Variants in CWH43 observed in about 807,000 individuals in gnomAD.
CWH43 encodes PGAP2-interacting protein.
A neutral mutation model predicts 85.7 loss-of-function variants in CWH43; 91 were observed. The ratio of observed to expected loss-of-function variants is 1.06; its 90% CI spans 0.90 to 1.26. The LOEUF is 1.26. Among genes scored for constraint, CWH43 ranks in the 50% most tolerant of loss-of-function variants. The pLI, the probability that CWH43 is intolerant of heterozygous loss-of-function variation, is 0.00. For missense variants in CWH43, 869 were observed against 839.2 expected (o/e 1.04, Z -0.44); for synonymous variants, 323 against 293.6 (o/e 1.10, Z -1.02).
At chr4:49,009,695 A>C (rs1330915236) in intron 8 of CWH43, among the ~76,000 whole-genome samples, 1 of 152,140 alleles carries the variant, frequency 6.6e-6, no homozygotes, top group Non-Finnish European at 1.5e-5. Context: ...AGCACTGTTG[A>C]ATTTTGTCGA....
chr4:49,038,682 C>A (rs1031927170), intron 13 of CWH43, among the ~76,000 whole-genome samples: 4 of 152,108 alleles, frequency 2.6e-5, no homozygotes, highest in African/African-American at 9.7e-5. Flanking sequence ...GGAGGAATAT[C>A]AAAAACACAA....
chr4:49,061,130 T>C (rs1183729699), intron 15 of CWH43, among the ~76,000 whole-genome samples: 10 of 152,180 alleles, frequency 6.6e-5, no homozygotes, highest in Admixed American at 2.6e-4. Context: ...TTCTTATCTG[T>C]TTGAGCATAA....
At chr4:49,002,893 G>C (rs149047504) in intron 6 of CWH43, among the ~76,000 whole-genome samples, 1 of 152,134 alleles carries the variant, frequency 6.6e-6, no homozygotes, top group Non-Finnish European at 1.5e-5. Context: ...GTTCTTGGCC[G>C]AAGTAGTGAA....
chr4:49,028,545 G>C, intron 9 of CWH43, 84 bp from the exon 10 acceptor site: 1 of 772,936 alleles, frequency 1.3e-6, no homozygotes, highest in Non-Finnish European at 2.1e-6. Flanking sequence ...TAAGAAATTT[G>C]GTAGAGAGGA....
intron 15 of CWH43, among the ~76,000 whole-genome samples, chr4:49,055,905 CTTTTTTTCT>C (rs1477174435): frequency 2.0e-4 from 19 of 95,552 alleles, no homozygotes; most frequent in African/African-American, 4.2e-4. Context: ...TCTAATTTTT[CTTTTTTTCT>C]TTTTTTTTTT....
chr4:49,012,349 G>A (rs535027171), intron 8 of CWH43, among the ~76,000 whole-genome samples: 2 of 152,246 alleles, frequency 1.3e-5, no homozygotes, highest in Admixed American at 1.3e-4. Flanking sequence ...TTCTCTACAC[G>A]TTTATTCTAG....
rs368908073 is a variant in CWH43, at chr4:49,048,143, AG to A, written c.1866-2549del. On this transcript the variant is annotated intron_variant, in intron 14 of 15. Coordinates refer to ENST00000226432, the MANE Select transcript of CWH43 (RefSeq NM_025087.3). ...AACGACTTTTCATATAGGCTGAAAT[AG>A]GTTTAATTTCAAGTTTTAAAAAATG... 8.6e-3 allele frequency among the ~76,000 whole-genome samples: 1,306 copies of A among 152,274 alleles called. 3 individuals carry two copies. The highest frequency in any genetic ancestry group is 0.016 in the African/African-American group (651 of 41,560).
chr4:49,060,548 G>A (rs1245799816), intron 15 of CWH43, among the ~76,000 whole-genome samples: 1 of 152,080 alleles, frequency 6.6e-6, no homozygotes, highest in Non-Finnish European at 1.5e-5. Context: ...AAAGTTGGGT[G>A]CTTACTTCAC....
At chr4:49,036,172 T>C (rs1784256372) in intron 12 of CWH43, among the ~76,000 whole-genome samples, 1 of 152,168 alleles carries the variant, frequency 6.6e-6, no homozygotes, top group Non-Finnish European at 1.5e-5. Flanking sequence ...AATCCCTGAA[T>C]GTTGCTCTTC....
At chr4:49,002,394 C>T in intron 6 of CWH43, among the ~76,000 whole-genome samples, 1 of 152,202 alleles carries the variant, frequency 6.6e-6, no homozygotes, top group East Asian at 1.9e-4. Context: ...AAATTATTTA[C>T]ACTAGTAAAT....
rs1461319664 is a variant in CWH43, at chr4:48,988,478, ATG to A, written c.49_50del (p.Val17PhefsTer7). 6.5e-7 allele frequency: 1 copy of A among 1,544,070 alleles called. No homozygotes were observed. The highest frequency in any genetic ancestry group is 2.3e-5 in the East Asian group (1 of 42,922). On this transcript the variant is annotated frameshift_variant and splice_region_variant, in exon 2 of 16. Coordinates refer to ENST00000226432, the MANE Select transcript of CWH43 (RefSeq NM_025087.3). LOFTEE classifies it high-confidence loss of function. ...REILLESLLG[C>X]VSWSLYHDLG... ...CTTTAACTTTTTTTTTTTTTGTAGG[ATG>A]TGTTTCTTGGTCTCTCTACCATGAC...
chr4:49,004,028 G>A, intron 7 of CWH43, 36 bp downstream of exon 7: 1 of 1,565,690 alleles, frequency 6.4e-7, no homozygotes, highest in South Asian at 1.2e-5. Flanking sequence ...TAAAATAATT[G>A]CTCAAAAATA....
intron 1 of CWH43, among the ~76,000 whole-genome samples, chr4:48,987,620 G>A (rs559962144): frequency 6.6e-6 from 1 of 152,206 alleles, no homozygotes; most frequent in East Asian, 1.9e-4. Context: ...ATAGCTTATG[G>A]GGCTGTATAA....
intron 8 of CWH43, among the ~76,000 whole-genome samples, chr4:49,016,285 C>G (rs2109782208): frequency 6.6e-6 from 1 of 152,160 alleles, no homozygotes; most frequent in South Asian, 2.1e-4. Flanking sequence ...TCCCTAGTGC[C>G]ATGTGTTTAT....
chr4:48,991,219 G>A (rs1030738788), intron 2 of CWH43, among the ~76,000 whole-genome samples: 1 of 152,124 alleles, frequency 6.6e-6, no homozygotes, highest in African/African-American at 2.4e-5. Flanking sequence ...AATGGTGATT[G>A]TTGCACGACT....
At chr4:49,056,751 T>C (rs1482316903) in intron 15 of CWH43, among the ~76,000 whole-genome samples, 2 of 152,128 alleles carry the variant, frequency 1.3e-5, no homozygotes, top group African/African-American at 4.8e-5. Flanking sequence ...TTAGGTTGTT[T>C]GATGTCTTTA....
intron 12 of CWH43, among the ~76,000 whole-genome samples, chr4:49,034,548 C>T (rs1784205368): frequency 6.6e-6 from 1 of 152,182 alleles, no homozygotes; most frequent in Non-Finnish European, 1.5e-5. Context: ...AACACCATAT[C>T]CTTTACTTGC....
intron 13 of CWH43, among the ~76,000 whole-genome samples, chr4:49,041,030 G>A (rs1784442630): frequency 6.6e-6 from 1 of 152,118 alleles, no homozygotes; most frequent in African/African-American, 2.4e-5. Flanking sequence ...TTTTTGTCAG[G>A]TTTGTCAAAG....
intron 7 of CWH43, 70 bp downstream of exon 7, chr4:49,004,062 A>C: frequency 7.2e-7 from 1 of 1,384,492 alleles, no homozygotes; most frequent in South Asian, 1.5e-5. Flanking sequence ...ACCAGGATTT[A>C]GCACTTTATG....
Sources: gnomAD v4.1 joint callset for allele counts (sites outside exome capture counted in the v4.1 genomes callset) on GRCh38, gnomAD v4.1.1 for gene constraint, MANE v1.5 for transcripts, NCBI Gene and HGNC (gene_info 2026-07-23, HGNC 2026-07-21) for gene names.